Variants in CLDN16 observed in about 807,000 individuals in gnomAD.
The protein encoded by CLDN16 is claudin 16.
In CLDN16, 13 loss-of-function variants were observed where a neutral mutation model predicts 24.6. That is an observed-to-expected ratio of 0.53 (90% CI 0.34 to 0.84). The LOEUF (loss-of-function observed/expected upper bound fraction) is 0.84, where lower values mean the gene tolerates loss of function less well. Ranked by LOEUF, CLDN16 falls within the 40% of genes least tolerant of loss-of-function variation. CLDN16 has a pLI of 0.01. For synonymous variants in CLDN16, 116 were observed against 106.7 expected, an observed-to-expected ratio of 1.09 and a Z score of -0.54; for missense variants, 298 against 292.7, an observed-to-expected ratio of 1.02 and a Z score of -0.13.
intron 1 of CLDN16, among the ~76,000 whole-genome samples, chr3:190,348,841 AGT>A (rs759634260): frequency 6.6e-6 from 1 of 152,004 alleles, no homozygotes; most frequent in Non-Finnish European, 1.5e-5. Flanking sequence ...AAAAGACCCC[AGT>A]GTGTGTTGTT....
intron 1 of CLDN16, among the ~76,000 whole-genome samples, chr3:190,340,144 G>A (rs1049771336): frequency 3.9e-5 from 6 of 152,138 alleles, no homozygotes; most frequent in African/African-American, 1.4e-4. Flanking sequence ...TAACACTTTA[G>A]GTATAGAAGG....
chr3:190,327,639 G>A (rs962004362), intron 1 of CLDN16, among the ~76,000 whole-genome samples: 2 of 152,290 alleles, frequency 1.3e-5, no homozygotes, highest in Middle Eastern at 3.4e-3. Context: ...AGCTTATGTG[G>A]TACGCTATCC....
chr3:190,306,456 T>C, the CLDN16 span: 4 of 152,212 alleles, frequency 2.6e-5, no homozygotes, highest in Non-Finnish European at 5.9e-5. Flanking sequence ...CTCAATTCTT[T>C]CCCTTAGTAT....
intron 1 of CLDN16, among the ~76,000 whole-genome samples, chr3:190,341,802 C>G (rs140988107): frequency 0.03 from 4,495 of 152,244 alleles, 109 homozygotes; most frequent in East Asian, 0.081. Context: ...TAACAGCACT[C>G]AAGTCACCTC....
chr3:190,366,098 A>G (rs1407242566), intron 1 of CLDN16, among the ~76,000 whole-genome samples: 1 of 151,854 alleles, frequency 6.6e-6, no homozygotes, highest in Non-Finnish European at 1.5e-5. Context: ...TGCTTTCTGG[A>G]GCTCTTAAGT....
rs965435011 is a variant in CLDN16, at chr3:190,388,354, G to C, written c.25G>C (p.Ala9Pro). The change falls in exon 1 of 5, where the codon GCT becomes CCT. Residue 9 changes from alanine (A) to proline (P), a missense_variant. By Grantham distance (27) the Ala-to-Pro change is conservative (BLOSUM62 -1). Transcript: ENST00000264734. ...AATGAGGGATCTTCTTCAATACATC[G>C]CTTGCTTCTTTGCCTTTTTCTCTGC... MRDLLQYI[A>P]CFFAFFSAGF... 2.5e-6 allele frequency: 4 copies of C among 1,613,892 alleles called. No individual in the cohort carries two copies. The highest frequency in any genetic ancestry group is 3.4e-6 in the Non-Finnish European group (4 of 1,180,008).
intron 1 of CLDN16, among the ~76,000 whole-genome samples, chr3:190,347,153 G>C (rs1017727878): frequency 2.6e-5 from 4 of 152,150 alleles, no homozygotes; most frequent in Non-Finnish European, 4.4e-5. Flanking sequence ...GATTGACAGA[G>C]AGACCAGCTA....
chr3:190,346,133 A>G (rs1416205519), intron 1 of CLDN16, among the ~76,000 whole-genome samples: 1 of 152,140 alleles, frequency 6.6e-6, no homozygotes, highest in African/African-American at 2.4e-5. Context: ...GAACTCCCTT[A>G]AAGAAGGAAT....
upstream of CLDN16, among the ~76,000 whole-genome samples, chr3:190,387,408 G>T (rs1352911911): frequency 1.3e-5 from 2 of 151,864 alleles, no homozygotes; most frequent in Non-Finnish European, 2.9e-5. Context: ...GGTCCATGAG[G>T]GAAAAGTAAT....
intron 3 of CLDN16, among the ~76,000 whole-genome samples, chr3:190,408,038 A>G (rs1253381796): frequency 2.0e-5 from 3 of 152,232 alleles, no homozygotes; most frequent in Non-Finnish European, 4.4e-5. Flanking sequence ...AAAGAAAACC[A>G]TAACGATGAA....
At chr3:190,383,654 CA>C (rs1216737000), upstream of CLDN16, among the ~76,000 whole-genome samples, 12 of 152,066 alleles carry the variant, frequency 7.9e-5, no homozygotes, top group East Asian at 2.1e-3. Context: ...ATTCAAGGGT[CA>C]GGGGAAGAAT....
chr3:190,329,831 G>A (rs1717144163), intron 1 of CLDN16, among the ~76,000 whole-genome samples: 1 of 152,162 alleles, frequency 6.6e-6, no homozygotes, highest in African/African-American at 2.4e-5. Context: ...GAATCTTAGA[G>A]AGGTATAGCA....
At chr3:190,347,736 A>C (rs1477142582) in intron 1 of CLDN16, among the ~76,000 whole-genome samples, 2 of 152,216 alleles carry the variant, frequency 1.3e-5, no homozygotes, top group Non-Finnish European at 2.9e-5. Context: ...TGATTGGTAC[A>C]GATTACCTTC....
chr3:190,290,664 AG>A, the CLDN16 span, among the ~76,000 whole-genome samples: 1 of 152,314 alleles, frequency 6.6e-6, no homozygotes, highest in East Asian at 1.9e-4. Context: ...CTTAAAATAG[AG>A]GGGTAATACA....
At chr3:190,391,303 T>C (rs549093153) in intron 1 of CLDN16, among the ~76,000 whole-genome samples, 162 of 151,398 alleles carry the variant, frequency 1.1e-3, no homozygotes, top group African/African-American at 3.6e-3. Flanking sequence ...TATATACAAT[T>C]ATATCATATA....
At chr3:190,404,365 A>T (rs1014927558) in intron 2 of CLDN16, among the ~76,000 whole-genome samples, 1 of 152,330 alleles carries the variant, frequency 6.6e-6, no homozygotes, top group South Asian at 2.1e-4. Context: ...GTGATTATTT[A>T]TTCAATATTT....
At chr3:190,348,514 GT>G in intron 1 of CLDN16, among the ~76,000 whole-genome samples, 1 of 152,226 alleles carries the variant, frequency 6.6e-6, no homozygotes, top group East Asian at 1.9e-4. Flanking sequence ...CAGGCCTGCA[GT>G]CACTTAAGTC....
At chr3:190,308,383 A>G in the CLDN16 span, 5 of 1,613,858 alleles carry the variant, frequency 3.1e-6, no homozygotes, top group South Asian at 3.3e-5. Context: ...GGCACCTCCC[A>G]GAAGGCAGAG....
intron 1 of CLDN16, among the ~76,000 whole-genome samples, chr3:190,342,357 G>A (rs1266749049): frequency 6.6e-6 from 1 of 152,186 alleles, no homozygotes; most frequent in Non-Finnish European, 1.5e-5. Flanking sequence ...CATGGTGGTA[G>A]AATTTGGTAA....
Sources: allele counts gnomAD v4.1 joint callset (sites outside exome capture counted in the v4.1 genomes callset), GRCh38; gene constraint gnomAD v4.1.1; transcripts MANE v1.5; gene names NCBI Gene and HGNC (gene_info 2026-07-23, HGNC 2026-07-21).